Variants in GCNT2 observed in about 807,000 individuals in gnomAD.
GCNT2 encodes N-acetyllactosaminide beta-1,6-N-acetylglucosaminyl-transferase.
Under a neutral mutation model 34.2 loss-of-function variants are expected in GCNT2, and 34 were observed. That is an observed-to-expected ratio of 1.00 (90% CI 0.76 to 1.32). GCNT2 has a LOEUF of 1.32. Among genes scored for constraint, GCNT2 ranks in the 40% most tolerant of loss-of-function variants. The pLI is 0.00. For synonymous variants in GCNT2, 212 were observed against 188.0 expected, an observed-to-expected ratio of 1.13 and a Z score of -1.04; for missense variants, 584 against 489.4, an observed-to-expected ratio of 1.19 and a Z score of -1.82.
At chr6:10,583,268 A>C (rs1749054) in intron 3 of GCNT2, among the ~76,000 whole-genome samples, 2,630 of 152,196 alleles carry the variant, frequency 0.017, 62 homozygotes, top group African/African-American at 0.058. Context: ...CACTGTAGGA[A>C]GTTAAGGGGT....
chr6:10,590,412 A>AT (rs2127417989), intron 3 of GCNT2, among the ~76,000 whole-genome samples: 1 of 151,178 alleles, frequency 6.6e-6, no homozygotes, highest in South Asian at 2.1e-4. Context: ...AAAAAAAAAA[A>AT]ATGCTAGGCT....
In GCNT2 at chr6:10,528,944, C is replaced by T. The variant is rs201037476; in HGVS notation, c.33C>T (p.Ser11=). 15 of 1,613,626 alleles carry T rather than the reference C, an allele frequency of 9.3e-6. No homozygotes were observed. Among genetic ancestry groups the T allele is most frequent in the African/African-American group, 8.0e-5 (6 of 74,900 alleles). MMGSWKHCLF[S]ASLISALIFV... ...GCTCTTGGAAGCACTGTCTTTTTAG[C>T]GCGTCTCTTATCTCTGCCCTGATTT... The change falls in exon 3 of 5, where the codon AGC becomes AGT. Residue 11 remains serine (S), a synonymous_variant. Transcript: ENST00000495262.
At chr6:10,612,203 T>G (rs2127436461) in intron 3 of GCNT2, among the ~76,000 whole-genome samples, 1 of 152,158 alleles carries the variant, frequency 6.6e-6, no homozygotes, top group African/African-American at 2.4e-5. Flanking sequence ...GCCAGGCTGG[T>G]CTTGAACTCC....
chr6:10,555,705 ACTC>A, intron 3 of GCNT2: 5 of 984,814 alleles, frequency 5.1e-6, no homozygotes, highest in Non-Finnish European at 4.8e-6. Flanking sequence ...TGGGACAGGA[ACTC>A]CTCCTCCAGT....
chr6:10,571,883 A>G (rs765109189), intron 3 of GCNT2, among the ~76,000 whole-genome samples: 5 of 152,192 alleles, frequency 3.3e-5, no homozygotes, highest in African/African-American at 4.8e-5. Flanking sequence ...CTTAGTGATG[A>G]TTTGCACGCC....
chr6:10,613,136 C>A (rs1241659509), intron 3 of GCNT2, among the ~76,000 whole-genome samples: 1 of 152,078 alleles, frequency 6.6e-6, no homozygotes, highest in Non-Finnish European at 1.5e-5. Flanking sequence ...ATAGTTCTCC[C>A]AAAATGAGGA....
At chr6:10,565,767 G>A (rs1449878112) in intron 3 of GCNT2, among the ~76,000 whole-genome samples, 4 of 151,626 alleles carry the variant, frequency 2.6e-5, no homozygotes, top group East Asian at 1.9e-4. Flanking sequence ...CCCGTGACAC[G>A]TTCCACTTCT....
At chr6:10,603,249 G>T (rs1334143433) in intron 3 of GCNT2, among the ~76,000 whole-genome samples, 1 of 152,134 alleles carries the variant, frequency 6.6e-6, no homozygotes, top group Non-Finnish European at 1.5e-5. Flanking sequence ...CCTTGTAAAA[G>T]GTTGTTTTCA....
chr6:10,553,620 G>C (rs1371975074), intron 3 of GCNT2, among the ~76,000 whole-genome samples: 1 of 152,216 alleles, frequency 6.6e-6, no homozygotes, highest in Non-Finnish European at 1.5e-5. Context: ...TAGGCCGGGC[G>C]TGGTGGCTCA....
intron 3 of GCNT2, among the ~76,000 whole-genome samples, chr6:10,546,247 C>T (rs67807149): frequency 0.077 from 11,796 of 152,240 alleles, 602 homozygotes; most frequent in Middle Eastern, 0.16. Context: ...ATTTTATCTA[C>T]AGGTTTCAGA....
intron 3 of GCNT2, among the ~76,000 whole-genome samples, chr6:10,534,524 A>G (rs1283888430): frequency 6.6e-6 from 1 of 152,046 alleles, no homozygotes; most frequent in African/African-American, 2.4e-5. Context: ...CCATTGTATT[A>G]AACAATGAGG....
At chr6:10,561,101 C>G (rs779707594) in intron 3 of GCNT2, among the ~76,000 whole-genome samples, 5 of 152,218 alleles carry the variant, frequency 3.3e-5, no homozygotes, top group Non-Finnish European at 7.3e-5. Context: ...AATGATTGCT[C>G]TAAGTCACTT....
At chr6:10,530,748 C>T (rs955307170) in intron 3 of GCNT2, among the ~76,000 whole-genome samples, 1 of 151,796 alleles carries the variant, frequency 6.6e-6, no homozygotes, top group South Asian at 2.1e-4. Context: ...AACAAAAAAA[C>T]CTTATTGCAC....
intron 3 of GCNT2, among the ~76,000 whole-genome samples, chr6:10,545,500 A>G (rs1475892974): frequency 6.6e-6 from 1 of 152,184 alleles, no homozygotes; most frequent in East Asian, 1.9e-4. Flanking sequence ...ACCTCGAAGG[A>G]TTCATAACTG....
chr6:10,608,298 A>G (rs961403198), intron 3 of GCNT2, among the ~76,000 whole-genome samples: 1 of 151,914 alleles, frequency 6.6e-6, no homozygotes, highest in Non-Finnish European at 1.5e-5. Context: ...GCTGGTCTCA[A>G]ACTCCCGACC....
chr6:10,524,049 G>A (rs1217957511), intron 1 of GCNT2, among the ~76,000 whole-genome samples: 1 of 151,682 alleles, frequency 6.6e-6, no homozygotes, highest in Non-Finnish European at 1.5e-5. Flanking sequence ...TTGGGAGTTG[G>A]AGGCTCTAAG....
chr6:10,585,030 TCA>T (rs141118757), intron 3 of GCNT2, among the ~76,000 whole-genome samples: 6,023 of 130,370 alleles, frequency 0.046, 460 homozygotes, highest in African/African-American at 0.16. Flanking sequence ...CTTCCCATAG[TCA>T]GTGTGTGTGT....
chr6:10,539,605 ACTATAC>A (rs1172604810), intron 3 of GCNT2, among the ~76,000 whole-genome samples: 2 of 151,762 alleles, frequency 1.3e-5, no homozygotes, highest in Non-Finnish European at 2.9e-5. Flanking sequence ...GAGTACACAA[ACTATAC>A]CTGGCACATC....
intron 3 of GCNT2, among the ~76,000 whole-genome samples, chr6:10,534,222 ACCT>A (rs1316166064): frequency 2.8e-5 from 4 of 141,334 alleles, no homozygotes; most frequent in African/African-American, 1.0e-4. Flanking sequence ...GCTCACTGCA[ACCT>A]CCTCCTCCTG....
Sources: allele counts gnomAD v4.1 joint callset (sites outside exome capture counted in the v4.1 genomes callset), GRCh38; gene constraint gnomAD v4.1.1; transcripts MANE v1.5; gene names NCBI Gene and HGNC (gene_info 2026-07-23, HGNC 2026-07-21).